Variants in TENM2 observed in about 807,000 individuals in gnomAD.
The protein encoded by TENM2 is teneurin transmembrane protein 2, also known as teneurin-2.
In TENM2, 52 loss-of-function variants were observed where a neutral mutation model predicts 245.2. That is an observed-to-expected ratio of 0.21 (90% CI 0.17 to 0.27). The LOEUF (loss-of-function observed/expected upper bound fraction) is 0.27, where lower values mean the gene tolerates loss of function less well. TENM2 is among the 10% of genes least tolerant of loss of function. The pLI is 1.00. For missense variants in TENM2, 3,046 were observed against 3,666.8 expected, an observed-to-expected ratio of 0.83 and a Z score of 4.37; for synonymous variants, 1,363 against 1,438.9, an observed-to-expected ratio of 0.95 and a Z score of 1.19.
At chr5:167,282,671 C>A (rs1340785278), upstream of TENM2, among the ~76,000 whole-genome samples, 1 of 152,166 alleles carries the variant, frequency 6.6e-6, no homozygotes, top group African/African-American at 2.4e-5. Flanking sequence ...ATAATTTTGA[C>A]AAGGACTCTG....
At chr5:168,246,704 G>T in intron 26 of TENM2, 53 bp from the exon 29 acceptor site, 1 of 1,535,932 alleles carries the variant, frequency 6.5e-7, no homozygotes. Flanking sequence ...CTGTTTGAAT[G>T]CTTGGTCCTC....
At chr5:167,951,020 C>G (rs933479923) in intron 3 of TENM2, among the ~76,000 whole-genome samples, 1 of 152,176 alleles carries the variant, frequency 6.6e-6, no homozygotes, top group Non-Finnish European at 1.5e-5. Context: ...CCTAGAGATG[C>G]GAACTTCAAG....
chr5:168,124,594 T>G (rs1795708094), intron 10 of TENM2, among the ~76,000 whole-genome samples: 1 of 152,228 alleles, frequency 6.6e-6, no homozygotes, highest in Non-Finnish European at 1.5e-5. Context: ...TAATGCTGCT[T>G]GAGAAATCCC....
chr5:168,116,600 C>T (rs1795098446), intron 9 of TENM2, among the ~76,000 whole-genome samples: 1 of 152,164 alleles, frequency 6.6e-6, no homozygotes, highest in African/African-American at 2.4e-5. Context: ...GAAATGTTTA[C>T]TTAATCAAGC....
intron 2 of TENM2, among the ~76,000 whole-genome samples, chr5:167,640,886 T>C (rs201607145): frequency 2.6e-4 from 20 of 75,890 alleles, no homozygotes; most frequent in Admixed American, 9.0e-4. Flanking sequence ...TATATATATA[T>C]ATATATATAT....
the TENM2 span, among the ~76,000 whole-genome samples, chr5:167,122,633 C>G: frequency 6.6e-6 from 1 of 152,180 alleles, no homozygotes; most frequent in Non-Finnish European, 1.5e-5. Context: ...TAATACCTAA[C>G]TCAAATGAAT....
the TENM2 span, among the ~76,000 whole-genome samples, chr5:167,253,020 T>C: frequency 6.6e-6 from 1 of 152,140 alleles, no homozygotes; most frequent in Non-Finnish European, 1.5e-5. Flanking sequence ...CCATTTATTT[T>C]GGAGTCAAAT....
intron 1 of TENM2, among the ~76,000 whole-genome samples, chr5:167,301,161 C>T (rs1294926492): frequency 6.6e-6 from 1 of 152,202 alleles, no homozygotes; most frequent in African/African-American, 2.4e-5. Flanking sequence ...TCTTCAGCCG[C>T]TAAGCCGAGA....
intron 2 of TENM2, among the ~76,000 whole-genome samples, chr5:167,807,774 G>A (rs149706443): frequency 2.6e-5 from 4 of 151,932 alleles, no homozygotes; most frequent in Non-Finnish European, 5.9e-5. Flanking sequence ...TTTCCGCAGG[G>A]CAACATGAAA....
chr5:167,144,948 G>A, the TENM2 span, among the ~76,000 whole-genome samples: 1 of 152,192 alleles, frequency 6.6e-6, no homozygotes, highest in Admixed American at 6.5e-5. Context: ...AAATTTTAGG[G>A]AGAATCCTTT....
chr5:167,680,326 C>A (rs544288933), intron 2 of TENM2, among the ~76,000 whole-genome samples: 138 of 150,052 alleles, frequency 9.2e-4, no homozygotes, highest in Non-Finnish European at 1.8e-3. Context: ...AAAAAAAAAT[C>A]CCTAAGAAAG....
intron 2 of TENM2, among the ~76,000 whole-genome samples, chr5:167,732,952 G>A (rs529054270): frequency 4.6e-4 from 70 of 152,298 alleles, no homozygotes; most frequent in African/African-American, 1.4e-3. Flanking sequence ...CGTGGATGGT[G>A]CAAGGTCGAT....
At chr5:167,630,863 G>T (rs566305882) in intron 2 of TENM2, among the ~76,000 whole-genome samples, 1 of 152,334 alleles carries the variant, frequency 6.6e-6, no homozygotes, top group East Asian at 1.9e-4. Context: ...GTGGGAAATT[G>T]TCACCTGAGG....
intron 2 of TENM2, among the ~76,000 whole-genome samples, chr5:167,761,446 C>A (rs555157225): frequency 6.6e-6 from 1 of 151,904 alleles, no homozygotes; most frequent in Non-Finnish European, 1.5e-5. Flanking sequence ...ATTCTTCAAC[C>A]TCTAAAAAAG....
chr5:167,764,783 G>T (rs1417411646), intron 2 of TENM2, among the ~76,000 whole-genome samples: 2 of 152,102 alleles, frequency 1.3e-5, no homozygotes, highest in African/African-American at 4.8e-5. Flanking sequence ...TGCCCACGGG[G>T]AGCTCTCCCC....
At chr5:167,643,856 A>T (rs1419139049) in intron 2 of TENM2, among the ~76,000 whole-genome samples, 1 of 152,238 alleles carries the variant, frequency 6.6e-6, no homozygotes, top group African/African-American at 2.4e-5. Context: ...TAAGTAATGC[A>T]ATTGAGTTAA....
the TENM2 span, among the ~76,000 whole-genome samples, chr5:167,040,222 A>G: frequency 6.6e-6 from 1 of 152,078 alleles, no homozygotes; most frequent in African/African-American, 2.4e-5. Context: ...TGACCCTAGT[A>G]TCACAAGTTG....
the TENM2 span, among the ~76,000 whole-genome samples, chr5:167,087,308 C>G: frequency 1.1e-4 from 16 of 152,180 alleles, no homozygotes; most frequent in African/African-American, 3.6e-4. Flanking sequence ...GCTCAACGCA[C>G]GTCACCTGTT....
the TENM2 span, among the ~76,000 whole-genome samples, chr5:167,225,902 T>A: frequency 2.6e-5 from 4 of 152,036 alleles, no homozygotes; most frequent in Non-Finnish European, 5.9e-5. Context: ...GTAGGTTTTA[T>A]GTTTCCAGGA....
Sources: allele counts gnomAD v4.1 joint callset (sites outside exome capture counted in the v4.1 genomes callset), GRCh38; gene constraint gnomAD v4.1.1; transcripts MANE v1.5; gene names NCBI Gene and HGNC (gene_info 2026-07-23, HGNC 2026-07-21).